Variants in FRMD6 observed in about 807,000 individuals in gnomAD.
FRMD6 encodes FERM domain containing 6, also known as FERM domain-containing protein 6.
FRMD6 carries 37 observed loss-of-function variants against 73.2 expected under a neutral mutation model. The observed-to-expected ratio is 0.51, with a 90% CI of 0.39 to 0.66. FRMD6 has a LOEUF of 0.66. FRMD6 is among the 30% of genes least tolerant of loss of function. The probability of loss-of-function intolerance (pLI) is 0.00; values close to 1 mark genes in which losing one functional copy is unlikely to be tolerated. For missense variants in FRMD6, 714 were observed against 780.5 expected (o/e 0.91, Z 1.02); for synonymous variants, 273 against 282.2 (o/e 0.97, Z 0.33).
chr14:51,407,858 G>A, the FRMD6 span, among the ~76,000 whole-genome samples: 1 of 151,926 alleles, frequency 6.6e-6, no homozygotes, highest in Non-Finnish European at 1.5e-5. Context: ...ATTTAATTTG[G>A]GTAATTATCA....
At chr14:51,721,888 GC>G (rs781248059) in intron 11 of FRMD6, 60 bp from the exon 12 acceptor site, 359 of 1,567,396 alleles carry the variant, frequency 2.3e-4, no homozygotes, top group Admixed American at 3.2e-4. Context: ...AAATATGGTT[GC>G]ATATTATGAT....
the FRMD6 span, among the ~76,000 whole-genome samples, chr14:51,467,216 T>G: frequency 1.1e-3 from 138 of 128,108 alleles, 1 homozygote; most frequent in African/African-American, 3.9e-3. Flanking sequence ...AAGCACATCT[T>G]GCACCGCCCT....
At chr14:51,429,269 C>T in the FRMD6 span, among the ~76,000 whole-genome samples, 1 of 152,286 alleles carries the variant, frequency 6.6e-6, no homozygotes, top group South Asian at 2.1e-4. Flanking sequence ...TCCTCTTCCT[C>T]AAAATTGTGA....
Position 51,624,535 on chromosome 14 carries a change from C to A in FRMD6, c.-147+54125C>A, listed in dbSNP as rs551882271. ...TCTTTCTTCCTGGCTTTTAATACTGCTGACTTCCTAAAAACAAGATGAATG... is the reference window on the plus strand; with the variant it reads ...TCTTTCTTCCTGGCTTTTAATACTGATGACTTCCTAAAAACAAGATGAATG... On this transcript the variant is annotated intron_variant, in intron 2 of 14. Coordinates refer to the FRMD6 transcript ENST00000356218. 4.6e-5 allele frequency among the ~76,000 whole-genome samples: 7 copies of A among 152,302 alleles called. 1 individual carries two copies. The South Asian group carries it at 1.4e-3, about 32-fold the overall frequency.
intron 1 of FRMD6, among the ~76,000 whole-genome samples, chr14:51,508,529 C>T (rs1397799003): frequency 6.6e-6 from 1 of 152,178 alleles, no homozygotes; most frequent in Admixed American, 6.5e-5. Flanking sequence ...AAGACGTGAA[C>T]AGGTGGTCGA....
At chr14:51,634,015 TCAGA>T (rs35755678) in intron 2 of FRMD6, among the ~76,000 whole-genome samples, 29,478 of 152,062 alleles carry the variant, frequency 0.19, 3,015 homozygotes, top group African/African-American at 0.28. Flanking sequence ...TGCATGTAGT[TCAGA>T]CAGTCTGCAA....
At chr14:51,499,795 T>G (rs1244352377) in intron 1 of FRMD6, among the ~76,000 whole-genome samples, 6 of 152,274 alleles carry the variant, frequency 3.9e-5, no homozygotes, top group Admixed American at 3.9e-4. Context: ...CTCTAATTTC[T>G]TTTGGTCACT....
At chr14:51,597,966 G>T (rs1889814605) in intron 2 of FRMD6, among the ~76,000 whole-genome samples, 1 of 152,096 alleles carries the variant, frequency 6.6e-6, no homozygotes, top group African/African-American at 2.4e-5. Context: ...GCAGACGGCT[G>T]CCCCCCAACC....
intron 2 of FRMD6, among the ~76,000 whole-genome samples, chr14:51,696,286 T>TGTCAGAAGTCATCAA: frequency 6.6e-6 from 1 of 151,568 alleles, no homozygotes; most frequent in South Asian, 2.1e-4. Context: ...TAATAAACCT[T>TGTCAGAAGTCATCAA]GATGATTCTG....
At chr14:51,511,554 T>C (rs1884313391) in intron 1 of FRMD6, among the ~76,000 whole-genome samples, 1 of 152,108 alleles carries the variant, frequency 6.6e-6, no homozygotes, top group Non-Finnish European at 1.5e-5. Flanking sequence ...ATGTCACCAT[T>C]TTATAGAGGG....
chr14:51,699,999 C>T (rs893939988), intron 3 of FRMD6, among the ~76,000 whole-genome samples: 6 of 151,800 alleles, frequency 4.0e-5, no homozygotes, highest in Admixed American at 6.6e-5. Context: ...AACTTAATGT[C>T]GTTTATAACC....
chr14:51,644,413 T>C lies in FRMD6; in HGVS notation c.-146-45278T>C, dbSNP rs1034348100. Among the ~76,000 whole-genome samples, 26 of 149,516 alleles carry C rather than the reference T, an allele frequency of 1.7e-4. No individual in the cohort carries two copies. In the East Asian group the frequency reaches 1.8e-3, roughly 10 times the overall value. ...CTCACTCACTCTCTCTCTCTCTCTCTCCCTCCCTGATCTCTACGTGTAATT... is the reference window on the plus strand; with the variant it reads ...CTCACTCACTCTCTCTCTCTCTCTCCCCCTCCCTGATCTCTACGTGTAATT... On this transcript the variant is annotated intron_variant, in intron 2 of 14. Coordinates refer to the FRMD6 transcript ENST00000356218.
the FRMD6 span, among the ~76,000 whole-genome samples, chr14:51,413,086 G>T: frequency 6.6e-6 from 1 of 150,724 alleles, no homozygotes; most frequent in African/African-American, 2.4e-5. Context: ...TGCCTCCTGG[G>T]TTCAAGCAAT....
rs17124333 is a variant in FRMD6 at position 51,620,841 on chromosome 14, A to T, written c.-147+50431A>T. Reference sequence around the variant, plus strand: ...CCAAGGTCCCCAAGCCCTGCTGCAGACATATCATTGGTTACAAGCTGGCAC... The same window carrying T: ...CCAAGGTCCCCAAGCCCTGCTGCAGTCATATCATTGGTTACAAGCTGGCAC... On this transcript the variant is annotated intron_variant, in intron 2 of 14. Coordinates refer to the FRMD6 transcript ENST00000356218. Among the ~76,000 whole-genome samples the T allele has an allele frequency of 9.7e-3, 1,484 of 152,284 alleles. 73 individuals are homozygous for T. The highest frequency in any genetic ancestry group is 0.08 in the Admixed American group (1,223 of 15,296).
the FRMD6 span, among the ~76,000 whole-genome samples, chr14:51,429,470 T>C: frequency 6.6e-6 from 1 of 152,188 alleles, no homozygotes; most frequent in African/African-American, 2.4e-5. Flanking sequence ...ATCCACACAT[T>C]ACCAAACCAT....
At chr14:51,685,082 T>TA (rs2140327360) in intron 1 of FRMD6, among the ~76,000 whole-genome samples, 1 of 152,284 alleles carries the variant, frequency 6.6e-6, no homozygotes, top group African/African-American at 2.4e-5. Context: ...TTTGCAGGTT[T>TA]CCTTAACATA....
chr14:51,714,118 C>T (rs1897108694), intron 9 of FRMD6: 2 of 152,164 alleles, frequency 1.3e-5, no homozygotes, highest in African/African-American at 4.8e-5. Context: ...CTCTGCCTAG[C>T]TGTATGACCT....
chr14:51,705,132 G>A (rs1896548946), intron 6 of FRMD6, among the ~76,000 whole-genome samples, 197 bp downstream of exon 6: 1 of 152,068 alleles, frequency 6.6e-6, no homozygotes, highest in Admixed American at 6.6e-5. Flanking sequence ...GGTGAGTGGG[G>A]TAGAGAATTG....
the FRMD6 span, among the ~76,000 whole-genome samples, chr14:51,455,050 G>A: frequency 2.6e-5 from 4 of 152,174 alleles, no homozygotes; most frequent in African/African-American, 9.7e-5. Context: ...TAGGTAGTCT[G>A]TTGAGAGAGA....
Sources: gnomAD v4.1 joint callset for allele counts (sites outside exome capture counted in the v4.1 genomes callset) on GRCh38, gnomAD v4.1.1 for gene constraint, MANE v1.5 for transcripts, NCBI Gene and HGNC (gene_info 2026-07-23, HGNC 2026-07-21) for gene names.